EXO5: variants seen among roughly 807,000 people sequenced by gnomAD.
The protein encoded by EXO5 is exonuclease V.
Under a neutral mutation model 17.8 loss-of-function variants are expected in EXO5, and 11 were observed. The ratio of observed to expected loss-of-function variants is 0.62; its 90% CI spans 0.39 to 1.02. The LOEUF (loss-of-function observed/expected upper bound fraction) is 1.02. Ranked by LOEUF, EXO5 falls within the 50% of genes least tolerant of loss-of-function variation. The pLI is 0.00. For synonymous variants in EXO5, 147 were observed against 166.5 expected (o/e 0.88, Z 0.90); for missense variants, 364 against 434.8 (o/e 0.84, Z 1.45).
At chr1:40,513,107 AT>A (rs959177248) in intron 3 of EXO5, among the ~76,000 whole-genome samples, 3 of 152,134 alleles carry the variant, frequency 2.0e-5, no homozygotes, top group African/African-American at 7.2e-5. Flanking sequence ...TAATAGGCAG[AT>A]TTTTTTCCCA....
Position 40,514,513 on chromosome 1 carries a change from A to T in EXO5, c.-30-2A>T. The T allele has an allele frequency of 6.4e-7, 1 of 1,557,112 alleles. No homozygotes were observed. The highest frequency in any genetic ancestry group is 2.1e-5 in the Admixed American group (1 of 47,134). ...AATGCATTTCTTTAACATGTTATGC[A>T]GGGCCCTTCTAGCCCAATCCAGAGC... On this transcript the variant is annotated splice_acceptor_variant, in intron 3 of 3. Coordinates refer to ENST00000415550, the MANE Select transcript of EXO5 (RefSeq NM_001346953.2). LOFTEE classifies it low-confidence loss of function (5UTR_SPLICE).
At chr1:40,511,652 T>C (rs1377140964) in intron 3 of EXO5, among the ~76,000 whole-genome samples, 1 of 152,220 alleles carries the variant, frequency 6.6e-6, no homozygotes, top group Non-Finnish European at 1.5e-5. Flanking sequence ...ATTCACCTTA[T>C]TTCACTGCTT....
Position 40,508,808 on chromosome 1 carries a change from C to T in EXO5, c.-364C>T, listed in dbSNP as rs1304689099. 1 of 152,278 alleles carries T rather than the reference C, an allele frequency of 6.6e-6. No individual in the cohort carries two copies. Among genetic ancestry groups the T allele is most frequent in the African/African-American group, 2.4e-5 (1 of 41,458 alleles). 9.4% of individuals were successfully genotyped at this position (152,278 alleles called of 1,614,324 possible). On this transcript the variant is annotated 5_prime_UTR_variant, in exon 1 of 4. Coordinates refer to ENST00000415550, the MANE Select transcript of EXO5 (RefSeq NM_001346953.2). This position sits in a 1 kb window ranked among gnomAD's most constrained non-coding sequence, Gnocchi z 4.2. ...CTGTGTAGTCCGCTCCGGCAGCGCG[C>T]TCTGCCCGGCTTCCTCAGTCTCCTC...
At position 40,515,562 on chromosome 1, in the gene EXO5, G is replaced by T; in HGVS notation, c.1018G>T (p.Ala340Ser). Residue 340 changes from alanine (A) to serine (S), a missense_variant, in exon 4 of 4, where the codon GCT becomes TCT. Ala to Ser is a moderately conservative substitution (Grantham distance 99). Transcript: ENST00000415550. The part of the protein sequence containing the change: ...REPQGVDVEE[A>S]WKCRTCTYAD... ...GCCCCAGGGAGTTGACGTGGAGGAGGCTTGGAAGTGCCGGACGTGTACCTA... is the reference window on the plus strand; with the variant it reads ...GCCCCAGGGAGTTGACGTGGAGGAGTCTTGGAAGTGCCGGACGTGTACCTA... 1.2e-6 allele frequency: 2 copies of T among 1,613,496 alleles called. No individual in the cohort carries two copies. Among genetic ancestry groups the T allele is most frequent in the Non-Finnish European group, 1.7e-6 (2 of 1,179,872 alleles).
At chr1:40,511,728 A>G (rs892128697) in intron 3 of EXO5, among the ~76,000 whole-genome samples, 2 of 152,186 alleles carry the variant, frequency 1.3e-5, no homozygotes, top group African/African-American at 4.8e-5. Flanking sequence ...TCTATGTCAA[A>G]TTATTTATTT....
At position 40,515,043 on chromosome 1, in the gene EXO5, C is replaced by T. The variant is rs145571905; in HGVS notation, c.499C>T (p.Pro167Ser). The change falls in exon 4 of 4, where the codon CCA (proline) becomes TCA (serine). Residue 167 changes from proline (P) to serine (S), a missense_variant. Transcript: ENST00000415550. ...GTCAGAAGGGCACATCAGAGAGTTT[C>T]CAGTGTTTGGGGAAGGGGAGGGTGT... The part of the protein sequence containing the change: ...LQSEGHIREF[P>S]VFGEGEGVLL... 1,463 of 1,614,118 alleles carry T rather than the reference C, an allele frequency of 9.1e-4. 4 individuals are homozygous for T. Among genetic ancestry groups the T allele is most frequent in the African/African-American group, 7.6e-3 (570 of 75,008 alleles).
At position 40,514,776 on chromosome 1, in the gene EXO5, C is replaced by G. The variant is rs1259233480; in HGVS notation, c.232C>G (p.Leu78Val). Residue 78 changes from leucine (L) to valine (V), a missense_variant, in exon 4 of 4, where the codon CTT (leucine) becomes GTT (valine). By Grantham distance (32) the Leu-to-Val change is conservative. Coordinates refer to ENST00000415550, the MANE Select transcript of EXO5 (RefSeq NM_001346953.2). ...ATTATCACCCATGGAGAGATTCCAC[C>G]TTAAATATTTATATGTCACTGACCT... ...DILSPMERFHLKYLYVTDLAT... is the reference protein window; with the variant it reads ...DILSPMERFHVKYLYVTDLAT... 1 of 1,614,150 alleles carries G rather than the reference C, an allele frequency of 6.2e-7. No homozygotes were observed.
At position 40,514,339 on chromosome 1, in the gene EXO5, C is replaced by A. The variant is rs1218845850; in HGVS notation, c.-30-176C>A. ...TGGATATATATAAGGAGCCCTATAG[C>A]AATACATACCTGGACTATAACTCAA... On this transcript the variant is annotated intron_variant, in intron 3 of 3. Transcript: ENST00000415550. 3 of 518,598 alleles carry A rather than the reference C, an allele frequency of 5.8e-6. No individual in the cohort carries two copies. In the Admixed American group the frequency reaches 1.1e-4, roughly 19 times the overall value. 32.1% of individuals were successfully genotyped at this position (518,598 alleles called of 1,614,324 possible). A position where few individuals can be genotyped will look rare whatever the true frequency, so the allele number is the denominator to read the frequency against.
At chr1:40,512,667 T>G (rs1645800563) in intron 3 of EXO5, among the ~76,000 whole-genome samples, 1 of 152,188 alleles carries the variant, frequency 6.6e-6, no homozygotes, top group African/African-American at 2.4e-5. Flanking sequence ...AGTGGTGTTA[T>G]CTCAGCTCAC....
In EXO5 at chr1:40,514,540, G is replaced by A; in HGVS notation, c.-5G>A. The stretch of plus-strand genomic sequence containing the variant: ...GGCCCTTCTAGCCCAATCCAGAGCT[G>A]TACCATGGCAGAGACAAGAGAAGAG... On this transcript the variant is annotated 5_prime_UTR_variant, in exon 4 of 4. Transcript: ENST00000415550. 6.2e-7 allele frequency: 1 copy of A among 1,611,048 alleles called. No homozygotes were observed. Among genetic ancestry groups the A allele is most frequent in the Middle Eastern group, 1.7e-4 (1 of 6,016 alleles).
intron 3 of EXO5, 42 bp from the exon 4 acceptor site, chr1:40,514,473 C>T (rs967195381): frequency 6.2e-6 from 9 of 1,444,482 alleles, no homozygotes; most frequent in South Asian, 4.4e-5. Context: ...CTTTTGAGAA[C>T]GTTTTTATTT....
At position 40,514,938 on chromosome 1, in the gene EXO5, G is replaced by T. The variant is rs765556522; in HGVS notation, c.394G>T (p.Val132Leu). 2.5e-6 allele frequency: 4 copies of T among 1,614,170 alleles called. No homozygotes were observed. In the South Asian group the frequency reaches 3.3e-5, roughly 13 times the overall value. The change falls in exon 4 of 4, where the codon GTG becomes TTG. Residue 132 changes from valine to leucine, a missense_variant. By Grantham distance (32) the Val-to-Leu change is conservative (BLOSUM62 1). Coordinates refer to ENST00000415550, the MANE Select transcript of EXO5 (RefSeq NM_001346953.2). ...TAGAGAACTAGAACTTCATGATCTT[G>T]TGACTGTCCCAGTCACCACTAAAGA... The part of the protein sequence containing the change: ...LARELELHDL[V>L]TVPVTTKEDA...
chr1:40,511,241 TAAAATA>T (rs1557581089), intron 3 of EXO5, among the ~76,000 whole-genome samples: 1 of 151,820 alleles, frequency 6.6e-6, no homozygotes, highest in East Asian at 1.9e-4. Context: ...TCTCAAAAAA[TAAAATA>T]AAAGAAAAGA....
intron 3 of EXO5, among the ~76,000 whole-genome samples, chr1:40,513,880 G>T (rs1007888399): frequency 2.0e-5 from 3 of 151,792 alleles, no homozygotes; most frequent in African/African-American, 7.3e-5. Flanking sequence ...TGAGCCACCC[G>T]CCCCGCCTCA....
intron 3 of EXO5, among the ~76,000 whole-genome samples, chr1:40,512,242 G>A (rs570560672): frequency 6.7e-4 from 102 of 152,258 alleles, no homozygotes; most frequent in African/African-American, 2.3e-3. Flanking sequence ...TGTGGTCTTT[G>A]TTTCCTGGAT....
chr1:40,515,539 C>T lies in EXO5; in HGVS notation c.995C>T (p.Pro332Leu), dbSNP rs1645874798. ...YMAYWMGHRE[P>L]QGVDVEEAWK... is the part of the protein sequence containing the mutation. ...GCCTACTGGATGGGCCACCGAGAGC[C>T]CCAGGGAGTTGACGTGGAGGAGGCT... Residue 332 changes from proline (P) to leucine (L), a missense_variant, in exon 4 of 4, where the codon CCC becomes CTC. Transcript: ENST00000415550. The T allele has an allele frequency of 6.8e-6, 11 of 1,613,648 alleles. No individual in the cohort carries two copies. Among genetic ancestry groups the T allele is most frequent in the Non-Finnish European group, 9.3e-6 (11 of 1,179,978 alleles).
chr1:40,510,374 T>C (rs921662579), intron 3 of EXO5, among the ~76,000 whole-genome samples: 4 of 152,252 alleles, frequency 2.6e-5, no homozygotes, highest in Non-Finnish European at 5.9e-5. Context: ...CACAATGCAC[T>C]GCATTATGCT....
intron 3 of EXO5, among the ~76,000 whole-genome samples, chr1:40,511,383 CT>C (rs1279844283): frequency 6.6e-6 from 1 of 152,142 alleles, no homozygotes; most frequent in Non-Finnish European, 1.5e-5. Flanking sequence ...GTTTATAACA[CT>C]TGTGTAAATG....
At position 40,515,444 on chromosome 1, in the gene EXO5, C is replaced by T; in HGVS notation, c.900C>T (p.Ala300=). Residue 300 remains alanine (A), a synonymous_variant, in exon 4 of 4, where the codon GCC becomes GCT. Coordinates refer to ENST00000415550, the MANE Select transcript of EXO5 (RefSeq NM_001346953.2). ...TTGAGTATATCCACCAAGAGACTGC[C>T]ACTGTGCTGGGTACTGAGATTGTAG... ...LKIEYIHQET[A]TVLGTEIVAF... 1.2e-6 allele frequency: 2 copies of T among 1,613,904 alleles called. No individual in the cohort carries two copies. Among genetic ancestry groups the T allele is most frequent in the Admixed American group, 3.3e-5 (2 of 60,000 alleles).
Sources: allele counts gnomAD v4.1 joint callset (sites outside exome capture counted in the v4.1 genomes callset), GRCh38; gene constraint gnomAD v4.1.1; non-coding constraint Gnocchi (gnomAD v3.1); transcripts MANE v1.5; gene names NCBI Gene and HGNC (gene_info 2026-07-23, HGNC 2026-07-21).